The following SEMA5B variants were observed in gnomAD, a reference collection of about 807,000 sequenced individuals.
SEMA5B encodes the protein semaphorin-5B.
Under a neutral mutation model 135.0 loss-of-function variants are expected in SEMA5B, and 66 were observed. The ratio of observed to expected loss-of-function variants is 0.49; its 90% CI spans 0.40 to 0.60. The LOEUF is 0.60. Ranked by LOEUF, SEMA5B falls within the 20% of genes least tolerant of loss-of-function variation. The pLI is 0.00. For missense variants in SEMA5B, 1,501 were observed against 1,566.3 expected (o/e 0.96, Z 0.70); for synonymous variants, 690 against 639.5 (o/e 1.08, Z -1.19).
intron 1 of SEMA5B, among the ~76,000 whole-genome samples, chr3:123,012,474 C>T (rs1942459727): frequency 6.6e-6 from 1 of 152,314 alleles, no homozygotes; most frequent in South Asian, 2.1e-4. Flanking sequence ...GCCCCTCCGT[C>T]CCTACCCCAC....
chr3:122,996,353 G>C (rs775737598), intron 1 of SEMA5B, among the ~76,000 whole-genome samples: 6 of 152,240 alleles, frequency 3.9e-5, no homozygotes, highest in Admixed American at 6.5e-5. Context: ...TTGGCACCAC[G>C]GCTGCTCTAG....
At chr3:123,004,495 G>T (rs768259768) in intron 1 of SEMA5B, among the ~76,000 whole-genome samples, 38 of 152,296 alleles carry the variant, frequency 2.5e-4, no homozygotes, top group Middle Eastern at 3.4e-3. Context: ...GCATTACTCC[G>T]TGTAAGAAGG....
At chr3:122,932,179 T>A (rs1939006112) in intron 5 of SEMA5B, among the ~76,000 whole-genome samples, 1 of 151,918 alleles carries the variant, frequency 6.6e-6, no homozygotes, top group African/African-American at 2.4e-5. Context: ...TTGCTTGTTT[T>A]GCATGGAACT....
chr3:122,940,229 T>C (rs1481129316), intron 4 of SEMA5B, among the ~76,000 whole-genome samples: 1 of 152,212 alleles, frequency 6.6e-6, no homozygotes. Flanking sequence ...TTATTGAGTA[T>C]CATAAGTGTC....
In SEMA5B at chr3:122,912,931, C is replaced by A. The variant is rs374625797; in HGVS notation, c.2637G>T (p.Thr879=). The change falls in exon 18 of 23, where the codon ACG becomes ACT. Residue 879 remains threonine (T), a synonymous_variant. Coordinates refer to ENST00000357599, the MANE Select transcript of SEMA5B (RefSeq NM_001031702.4). ...CGTTGCGGGGCTCCGGGTTAGTGCA[C>A]GTTCTCTTGCGGACGCGGAAGCCCA... ...CELGFRVRKR[T]CTNPEPRNGG... 3 of 1,612,832 alleles carry A rather than the reference C, an allele frequency of 1.9e-6. No homozygotes were observed. Among genetic ancestry groups the A allele is most frequent in the Non-Finnish European group, 2.5e-6 (3 of 1,179,502 alleles).
At chr3:122,934,025 G>C (rs57922734) in intron 5 of SEMA5B, among the ~76,000 whole-genome samples, 1 of 125,934 alleles carries the variant, frequency 7.9e-6, no homozygotes, top group African/African-American at 2.7e-5. Flanking sequence ...CTCCTGCCTC[G>C]GCCTCCCGAG....
intron 1 of SEMA5B, among the ~76,000 whole-genome samples, chr3:122,997,110 G>A (rs1038724776): frequency 6.6e-6 from 1 of 152,172 alleles, no homozygotes; most frequent in African/African-American, 2.4e-5. Context: ...CATTTTGTGT[G>A]GCACTATGGT....
At chr3:122,986,672 G>A (rs2107701201) in intron 1 of SEMA5B, among the ~76,000 whole-genome samples, 1 of 151,292 alleles carries the variant, frequency 6.6e-6, no homozygotes, top group Middle Eastern at 3.4e-3. Context: ...CAATGCAAAT[G>A]GTGGGTAGAA....
At chr3:122,916,081 T>G (rs1344830997) in intron 12 of SEMA5B, among the ~76,000 whole-genome samples, 191 bp from the exon 13 acceptor site, 1 of 152,218 alleles carries the variant, frequency 6.6e-6, no homozygotes, top group African/African-American at 2.4e-5. Context: ...ATGAATTAAT[T>G]TAAATCCAGC....
chr3:122,994,204 C>A (rs1400452187), intron 1 of SEMA5B, among the ~76,000 whole-genome samples: 4 of 151,904 alleles, frequency 2.6e-5, no homozygotes, highest in Non-Finnish European at 5.9e-5. Context: ...GCTGCCTGCA[C>A]AATTCATTTG....
chr3:123,003,918 G>C (rs1264448603), intron 1 of SEMA5B, among the ~76,000 whole-genome samples: 2 of 152,122 alleles, frequency 1.3e-5, no homozygotes, highest in Non-Finnish European at 2.9e-5. Context: ...AATCAGGGCA[G>C]CCTTCCTTGT....
Position 122,912,293 on chromosome 3 carries a change from G to T in SEMA5B, c.2775C>A (p.Ser925=). 6.2e-7 allele frequency: 1 copy of T among 1,611,932 alleles called. No individual in the cohort carries two copies. Among genetic ancestry groups the T allele is most frequent in the Non-Finnish European group, 8.5e-7 (1 of 1,178,978 alleles). Residue 925 remains serine (S), a synonymous_variant, in exon 19 of 23, where the codon TCC becomes TCA. Coordinates refer to ENST00000357599, the MANE Select transcript of SEMA5B (RefSeq NM_001031702.4). The part of the protein sequence containing the change: ...CWTSWSPCSA[S]CGGGHYQRTR... The stretch of plus-strand genomic sequence containing the variant: ...TGCGTTGATAGTGACCCCCACCACA[G>T]GAAGCTGAGCATGGAGACCATGAGG...
chr3:122,994,261 T>C (rs926577740), intron 1 of SEMA5B, among the ~76,000 whole-genome samples: 1 of 152,100 alleles, frequency 6.6e-6, no homozygotes. Flanking sequence ...TAGAGGATAT[T>C]CCACAGCCTC....
rs1038406934 is a variant in SEMA5B, at chr3:122,948,631, G to A, written c.203C>T (p.Ser68Leu). The A allele has an allele frequency of 9.9e-6, 16 of 1,613,828 alleles. No individual in the cohort carries two copies. Among genetic ancestry groups the A allele is most frequent in the East Asian group, 8.9e-5 (4 of 44,882 alleles). The change falls in exon 3 of 23, where the codon TCG becomes TTG. Residue 68 changes from serine (S) to leucine (L), a missense_variant. By Grantham distance (145) the Ser-to-Leu change is moderately radical. This residue lies in a region of SEMA5B where 574 missense variants were observed against 684.7 expected (regional missense o/e 0.84). Coordinates refer to ENST00000357599, the MANE Select transcript of SEMA5B (RefSeq NM_001031702.4). ...IMVLAGPLAV[S>L]LLLPSLTLLV... ...CAGTGTGAGGCTGGGCAGCAACAGC[G>A]AGACAGCCAGGGGGCCTGCAAGCAC...
chr3:122,969,633 C>T lies in SEMA5B; in HGVS notation c.-38-8332G>A, dbSNP rs1182608872. Among the ~76,000 whole-genome samples, 4 of 152,220 alleles carry T rather than the reference C, an allele frequency of 2.6e-5. No homozygotes were observed. In the East Asian group the frequency reaches 7.7e-4, roughly 29 times the overall value. On this transcript the variant is annotated intron_variant, in intron 1 of 22. Transcript: ENST00000357599. ...CATGGACATCACAGCCCCTAGGTCA[C>T]TCCAGCCTTCCTGGCACCCACCTGC...
intron 1 of SEMA5B, among the ~76,000 whole-genome samples, chr3:122,966,592 T>C (rs945758781): frequency 6.7e-6 from 1 of 149,386 alleles, no homozygotes; most frequent in Non-Finnish European, 1.5e-5. Flanking sequence ...TCTCGCTCTA[T>C]CACCCAGGCT....
intron 4 of SEMA5B, 44 bp downstream of exon 4, chr3:122,943,392 C>T (rs745532803): frequency 1.4e-6 from 2 of 1,382,862 alleles, no homozygotes; most frequent in Admixed American, 3.9e-5. Context: ...TACCCAGCTC[C>T]AAGCCCCTGC....
intron 1 of SEMA5B, 191 bp downstream of exon 1, chr3:123,027,273 C>G (rs955868331): frequency 3.0e-4 from 46 of 152,494 alleles, no homozygotes; most frequent in African/African-American, 1.0e-3. Context: ...GCTCTCAAGC[C>G]GAGGTGGCAG....
intron 1 of SEMA5B, among the ~76,000 whole-genome samples, chr3:122,988,093 C>T (rs1158803688): frequency 1.3e-5 from 2 of 152,156 alleles, no homozygotes; most frequent in Non-Finnish European, 2.9e-5. Flanking sequence ...TGCTGGCCCC[C>T]AGCCACAGAG....
Sources: allele counts gnomAD v4.1 joint callset (sites outside exome capture counted in the v4.1 genomes callset), GRCh38; gene constraint gnomAD v4.1.1; regional missense constraint gnomAD v4.1.1; transcripts MANE v1.5; gene names NCBI Gene and HGNC (gene_info 2026-07-23, HGNC 2026-07-21).